Variants in ZNF625 observed in about 807,000 individuals in gnomAD.
The protein encoded by ZNF625 is zinc finger protein 625.
In ZNF625, 8 loss-of-function variants were observed where a neutral mutation model predicts 11.1. The ratio of observed to expected loss-of-function variants is 0.72; its 90% CI spans 0.42 to 1.30. The LOEUF (loss-of-function observed/expected upper bound fraction) is 1.30. ZNF625 is among the 50% of genes most tolerant of loss of function. The pLI is 0.01. For missense variants in ZNF625, 349 were observed against 447.6 expected, an observed-to-expected ratio of 0.78 and a Z score of 1.99; for synonymous variants, 145 against 153.4, an observed-to-expected ratio of 0.95 and a Z score of 0.41.
intron 1 of ZNF625, among the ~76,000 whole-genome samples, chr19:12,150,582 C>T (rs1976941039): frequency 6.6e-6 from 1 of 152,194 alleles, no homozygotes; most frequent in Admixed American, 6.6e-5. Flanking sequence ...TGAGGTCAAT[C>T]TCTCTCCCAT....
At chr19:12,147,889 G>T in intron 1 of ZNF625, 87 bp from the exon 2 acceptor site, 1 of 1,487,654 alleles carries the variant, frequency 6.7e-7, no homozygotes, top group Admixed American at 2.3e-5. Context: ...TTTCCATGGT[G>T]CTATGGACTC....
At chr19:12,151,377 ATTTT>A (rs35302529) in intron 1 of ZNF625, among the ~76,000 whole-genome samples, 1 of 111,680 alleles carries the variant, frequency 9.0e-6, no homozygotes. Flanking sequence ...CACCTGGGTA[ATTTT>A]TTTTTTTTTT....
intron 1 of ZNF625, among the ~76,000 whole-genome samples, chr19:12,153,463 T>A (rs7257634): frequency 0.015 from 2,209 of 151,462 alleles, 46 homozygotes; most frequent in African/African-American, 0.051. Context: ...GGCGGGTGGA[T>A]CACCTGAGGT....
chr19:12,146,265 C>T (rs1762179614), intron 3 of ZNF625, 41 bp from the exon 4 acceptor site: 1 of 1,540,688 alleles, frequency 6.5e-7, no homozygotes, highest in African/African-American at 1.4e-5. Flanking sequence ...GTTCCTTTAT[C>T]ACTGATTTGA....
rs991410569 is a variant in ZNF625, at chr19:12,156,661, G to C, written c.-103C>G. On this transcript the variant is annotated 5_prime_UTR_variant, in exon 1 of 4. Transcript: ENST00000439556. ...ACAGAAGCTATGGCGGAGGCACCTG[G>C]TCCCTCTCGGGGCCGGAAAACCGAG... The C allele has an allele frequency of 1.7e-6, 2 of 1,153,136 alleles. No individual in the cohort carries two copies. Among genetic ancestry groups the C allele is most frequent in the Admixed American group, 4.2e-5 (1 of 23,626 alleles). The allele number at this position is 1,153,136 out of a possible 1,614,324, so 71.4% of individuals were successfully genotyped here. A position where few individuals can be genotyped will look rare whatever the true frequency, so the allele number is the denominator to read the frequency against.
Position 12,145,872 on chromosome 19 carries a change from T to C in ZNF625, c.544A>G (p.Arg182Gly). 1 of 1,614,192 alleles carries C rather than the reference T, an allele frequency of 6.2e-7. No individual in the cohort carries two copies. The highest frequency in any genetic ancestry group is 8.5e-7 in the Non-Finnish European group (1 of 1,180,012). Reference protein sequence around the residue: ...FISRSSIRRHRIMHSGDGPYK... With the variant: ...FISRSSIRRHGIMHSGDGPYK... Reference sequence around the variant, plus strand: ...GGTCCATCTCCACTGTGCATTATCCTGTGTCTTCGAATGCTTGAACGGGAA... The same window carrying C: ...GGTCCATCTCCACTGTGCATTATCCCGTGTCTTCGAATGCTTGAACGGGAA... Residue 182 changes from arginine (R) to glycine (G), a missense_variant, in exon 4 of 4, where the codon AGG becomes GGG. Coordinates refer to ENST00000439556, the MANE Select transcript of ZNF625 (RefSeq NM_145233.4).
chr19:12,151,745 G>A (rs947042353), intron 1 of ZNF625, among the ~76,000 whole-genome samples: 3 of 151,836 alleles, frequency 2.0e-5, no homozygotes, highest in Admixed American at 1.3e-4. Flanking sequence ...AAACTCCTAG[G>A]CTCAAGAGAT....
chr19:12,154,826 TC>T (rs1484080471), intron 1 of ZNF625, among the ~76,000 whole-genome samples: 1 of 152,084 alleles, frequency 6.6e-6, no homozygotes, highest in Admixed American at 6.6e-5. Context: ...ACCTGAAAGT[TC>T]CCAGTTACAT....
At chr19:12,147,944 C>T in intron 1 of ZNF625, 142 bp from the exon 2 acceptor site, 1 of 915,522 alleles carries the variant, frequency 1.1e-6, no homozygotes, top group Non-Finnish European at 1.6e-6. Context: ...TTTACTCTGT[C>T]AACACTCACT....
chr19:12,146,222 C>A lies in ZNF625; in HGVS notation c.194G>T (p.Gly65Val). 6.2e-7 allele frequency: 1 copy of A among 1,611,976 alleles called. No homozygotes were observed. Among genetic ancestry groups the A allele is most frequent in the Non-Finnish European group, 8.5e-7 (1 of 1,179,352 alleles). The change falls in exon 4 of 4, where the codon GGT (glycine) becomes GTT (valine). Residue 65 changes from glycine to valine, a missense_variant and splice_region_variant. Gly to Val is a moderately radical substitution (Grantham distance 109). Coordinates refer to ENST00000439556, the MANE Select transcript of ZNF625 (RefSeq NM_145233.4). ...TTCTAAGAGTCTCTCTCCCATAAGA[C>A]CTCTGTGAACAATGAGAAGTATATC... ...EYKNPRRNLR[G>V]LMGERLLESK...
intron 1 of ZNF625, among the ~76,000 whole-genome samples, chr19:12,152,234 A>C (rs943199958): frequency 6.6e-6 from 1 of 152,088 alleles, no homozygotes; most frequent in East Asian, 1.9e-4. Flanking sequence ...ACATATGTAC[A>C]TGTATATGTG....
intron 1 of ZNF625, among the ~76,000 whole-genome samples, chr19:12,149,593 T>C (rs895865407): frequency 6.6e-6 from 1 of 152,074 alleles, no homozygotes; most frequent in African/African-American, 2.4e-5. Context: ...TTTTTTACTT[T>C]ATAATTATTA....
intron 1 of ZNF625, among the ~76,000 whole-genome samples, chr19:12,156,322 GC>G (rs1185378833): frequency 1.3e-5 from 2 of 152,176 alleles, no homozygotes; most frequent in Admixed American, 1.3e-4. Context: ...CGGGGCCGGG[GC>G]CAGGGCCGGG....
chr19:12,151,420 G>T (rs1459389514), intron 1 of ZNF625, among the ~76,000 whole-genome samples: 2 of 140,576 alleles, frequency 1.4e-5, no homozygotes, highest in Non-Finnish European at 3.0e-5. Context: ...TCGCTCTGTC[G>T]CCCAGGCTGG....
chr19:12,153,729 C>T (rs1976989509), intron 1 of ZNF625, among the ~76,000 whole-genome samples: 1 of 150,612 alleles, frequency 6.6e-6, no homozygotes, highest in Non-Finnish European at 1.5e-5. Context: ...GGCATATAGA[C>T]TGTCACTGCC....
At chr19:12,153,321 G>A (rs1360834101) in intron 1 of ZNF625, among the ~76,000 whole-genome samples, 1 of 148,872 alleles carries the variant, frequency 6.7e-6, no homozygotes, top group African/African-American at 2.5e-5. Flanking sequence ...CTGCACTCTA[G>A]CCTGGGCGAC....
intron 1 of ZNF625, among the ~76,000 whole-genome samples, 183 bp downstream of exon 1, chr19:12,156,373 G>C (rs2145617172): frequency 6.6e-6 from 1 of 152,150 alleles, no homozygotes; most frequent in Non-Finnish European, 1.5e-5. Flanking sequence ...GACGCCTGGG[G>C]TCCCGGCTGC....
chr19:12,145,074 T>C lies in ZNF625; in HGVS notation c.*223A>G. 1 of 572,890 alleles carries C rather than the reference T, an allele frequency of 1.7e-6. No homozygotes were observed. Among genetic ancestry groups the C allele is most frequent in the Non-Finnish European group, 3.1e-6 (1 of 323,524 alleles). 35.5% of individuals were successfully genotyped at this position (572,890 alleles called of 1,614,324 possible). A position where few individuals can be genotyped will look rare whatever the true frequency, so the allele number is the denominator to read the frequency against. ...AGGTCTTACTGGAGGTGTGTCTCTC[T>C]TAAGAGTTATTTCCAACTCTGTGTC... On this transcript the variant is annotated 3_prime_UTR_variant, in exon 4 of 4. Transcript: ENST00000439556.
rs1332126400 is a variant in ZNF625, at chr19:12,147,663, T to C, written c.130+13A>G. ...CTCTAATTCACTGAGGAAAGTAATA[T>C]TGTTACCCTTACCTACAGAAGCCAG... On this transcript the variant is annotated intron_variant, in intron 2 of 3. Coordinates refer to ENST00000439556, the MANE Select transcript of ZNF625 (RefSeq NM_145233.4). 4 of 1,613,674 alleles carry C rather than the reference T, an allele frequency of 2.5e-6. No individual in the cohort carries two copies. The highest frequency in any genetic ancestry group is 3.3e-5 in the Admixed American group (2 of 59,854).
Sources: gnomAD v4.1 joint callset for allele counts (sites outside exome capture counted in the v4.1 genomes callset) on GRCh38, gnomAD v4.1.1 for gene constraint, MANE v1.5 for transcripts, NCBI Gene and HGNC (gene_info 2026-07-23, HGNC 2026-07-21) for gene names.